The following VTI1A variants were observed in gnomAD, a reference collection of about 807,000 sequenced individuals.
The protein encoded by VTI1A is vesicle transport through interaction with t-SNAREs homolog 1A.
Under a neutral mutation model 34.9 loss-of-function variants are expected in VTI1A, and 22 were observed. That is an observed-to-expected ratio of 0.63 (90% confidence interval 0.45 to 0.90). The LOEUF (loss-of-function observed/expected upper bound fraction) is 0.90. Among genes scored for constraint, VTI1A ranks in the 40% least tolerant of loss-of-function variants. The pLI is 0.00. For synonymous variants in VTI1A, 87 were observed against 97.3 expected (o/e 0.89, Z 0.62); for missense variants, 268 against 275.6 (o/e 0.97, Z 0.20).
intron 5 of VTI1A, among the ~76,000 whole-genome samples, chr10:112,557,265 A>T (rs1297920196): frequency 6.6e-6 from 1 of 152,162 alleles, no homozygotes; most frequent in Non-Finnish European, 1.5e-5. Context: ...TATTCCAGAA[A>T]TTTTTAAAAA....
chr10:112,717,310 T>C (rs1159536378), intron 7 of VTI1A, among the ~76,000 whole-genome samples: 1 of 151,864 alleles, frequency 6.6e-6, no homozygotes, highest in Non-Finnish European at 1.5e-5. Context: ...TCTTTTTCTC[T>C]TCTCCTGGTT....
chr10:112,821,942 G>A (rs1200278236), downstream of VTI1A, among the ~76,000 whole-genome samples: 1 of 152,204 alleles, frequency 6.6e-6, no homozygotes, highest in African/African-American at 2.4e-5. Flanking sequence ...CGCGGTGGTG[G>A]ATGCCTGAAA....
At chr10:112,597,112 A>G (rs1844676778) in intron 5 of VTI1A, among the ~76,000 whole-genome samples, 1 of 152,210 alleles carries the variant, frequency 6.6e-6, no homozygotes, top group African/African-American at 2.4e-5. Context: ...GCAAACTTGA[A>G]CTGGAGGTTT....
chr10:112,552,427 A>C (rs1373737911), intron 5 of VTI1A, among the ~76,000 whole-genome samples: 1 of 151,746 alleles, frequency 6.6e-6, no homozygotes, highest in East Asian at 1.9e-4. Context: ...GTTCATTTGA[A>C]ACCAACAAAC....
Position 112,527,900 on chromosome 10 carries a change from A to C in VTI1A, c.342+736A>C, listed in dbSNP as rs547715126. Reference sequence around the variant, plus strand: ...GCCTCTTTCTTTGAATTAATACTACAGACTTCATTAATTCATGTAGATACT... The same window carrying C: ...GCCTCTTTCTTTGAATTAATACTACCGACTTCATTAATTCATGTAGATACT... On this transcript the variant is annotated intron_variant, in intron 4 of 7. Transcript: ENST00000393077. Among the ~76,000 whole-genome samples the C allele has an allele frequency of 1.4e-4, 22 of 152,208 alleles. No individual in the cohort carries two copies. The South Asian group carries it at 4.6e-3, about 32-fold the overall frequency.
At chr10:112,781,382 A>G (rs1852122409) in intron 7 of VTI1A, among the ~76,000 whole-genome samples, 1 of 152,180 alleles carries the variant, frequency 6.6e-6, no homozygotes, top group South Asian at 2.1e-4. Flanking sequence ...TGGTACCCTC[A>G]GAGACCCATG....
chr10:112,741,184 G>A (rs1010164497), intron 7 of VTI1A, among the ~76,000 whole-genome samples: 1 of 152,116 alleles, frequency 6.6e-6, no homozygotes, highest in Non-Finnish European at 1.5e-5. Context: ...GGCCAGGCAC[G>A]GTGGCTCACG....
At chr10:112,457,142 A>G (rs1396149270) in intron 1 of VTI1A, among the ~76,000 whole-genome samples, 1 of 152,126 alleles carries the variant, frequency 6.6e-6, no homozygotes, top group Non-Finnish European at 1.5e-5. Context: ...TGTAGTTGGA[A>G]ATAAAGTTGG....
chr10:112,548,355 G>C (rs1240186561), intron 5 of VTI1A, among the ~76,000 whole-genome samples: 1 of 151,896 alleles, frequency 6.6e-6, no homozygotes, highest in East Asian at 1.9e-4. Flanking sequence ...TTCTGTGACA[G>C]ATTTTTGGTC....
intron 5 of VTI1A, among the ~76,000 whole-genome samples, chr10:112,609,258 A>G (rs948358820): frequency 6.6e-6 from 1 of 152,180 alleles, no homozygotes; most frequent in Non-Finnish European, 1.5e-5. Context: ...TAAAATAAGA[A>G]CTCATTCTAA....
chr10:112,810,129 A>ATGG (rs1306101194), intron 7 of VTI1A, among the ~76,000 whole-genome samples: 1 of 152,030 alleles, frequency 6.6e-6, no homozygotes, highest in Admixed American at 6.6e-5. Flanking sequence ...TCGGCCTGGC[A>ATGG]TGGTGGCTCA....
intron 3 of VTI1A, among the ~76,000 whole-genome samples, chr10:112,524,818 G>C (rs888316475): frequency 3.3e-5 from 5 of 152,112 alleles, no homozygotes; most frequent in African/African-American, 1.2e-4. Context: ...ATAGTGATGA[G>C]ATGAATAATT....
At chr10:112,672,310 C>T (rs1364893370) in intron 7 of VTI1A, among the ~76,000 whole-genome samples, 1 of 152,164 alleles carries the variant, frequency 6.6e-6, no homozygotes, top group East Asian at 1.9e-4. Context: ...AGAAATTGCT[C>T]TTCATGTAAG....
the VTI1A span, chr10:112,826,139 G>A: frequency 2.3e-4 from 35 of 152,116 alleles, no homozygotes; most frequent in Admixed American, 9.8e-4. Flanking sequence ...CTACCCTCTT[G>A]GGCATTTAGT....
chr10:112,484,732 CTGT>C (rs776932635), intron 3 of VTI1A, among the ~76,000 whole-genome samples: 4 of 151,780 alleles, frequency 2.6e-5, no homozygotes, highest in Non-Finnish European at 4.4e-5. Flanking sequence ...CAATAAGTGC[CTGT>C]TGATTAATTT....
chr10:112,544,089 G>T (rs1007468079), intron 5 of VTI1A, among the ~76,000 whole-genome samples: 2 of 152,196 alleles, frequency 1.3e-5, no homozygotes, highest in Non-Finnish European at 2.9e-5. Context: ...TAGCCTTGTA[G>T]TATAGTTTGA....
At chr10:112,612,078 T>C (rs886428330) in intron 5 of VTI1A, among the ~76,000 whole-genome samples, 34 of 152,104 alleles carry the variant, frequency 2.2e-4, no homozygotes, top group African/African-American at 8.2e-4. Context: ...TTTTCTTGGA[T>C]ACAAACCTAT....
At chr10:112,618,530 G>T (rs1191541519) in intron 5 of VTI1A, among the ~76,000 whole-genome samples, 5 of 125,782 alleles carry the variant, frequency 4.0e-5, no homozygotes, top group East Asian at 2.5e-4. Context: ...TATATAGAGA[G>T]AGAGAGAGAG....
At position 112,611,737 on chromosome 10, in the gene VTI1A, A is replaced by ATTTTTTTTTTTTTTTT. The variant is rs3057346; in HGVS notation, c.428-56474_428-56459dup. Among the ~76,000 whole-genome samples the ATTTTTTTTTTTTTTTT allele has an allele frequency of 6.4e-3, 642 of 100,726 alleles. 67 individuals are homozygous for ATTTTTTTTTTTTTTTT. The highest frequency in any genetic ancestry group is 0.028 in the African/African-American group (615 of 22,294). The allele number at this position is 100,726 out of a possible 152,430, so 66.1% of individuals were successfully genotyped here. Reference sequence around the variant, plus strand: ...TAAAGCCCATTTGGTGAGAAAGGTAATTTTTTTTTTTTTTTTTTTTTTGTG... The same window carrying ATTTTTTTTTTTTTTTT: ...TAAAGCCCATTTGGTGAGAAAGGTAATTTTTTTTTTTTTTTTTTTTTTTTTTTTTTTTTTTTTTGTG... On this transcript the variant is annotated intron_variant, in intron 5 of 7. Coordinates refer to ENST00000393077, the MANE Select transcript of VTI1A (RefSeq NM_145206.4).
Sources: allele counts gnomAD v4.1 joint callset (sites outside exome capture counted in the v4.1 genomes callset), GRCh38; gene constraint gnomAD v4.1.1; transcripts MANE v1.5; gene names NCBI Gene and HGNC (gene_info 2026-07-23, HGNC 2026-07-21).